Variants in RPA1 observed in about 807,000 individuals in gnomAD.
RPA1 encodes the protein replication protein A1, also known as replication protein A 70 kDa DNA-binding subunit.
A neutral mutation model predicts 83.0 loss-of-function variants in RPA1; 49 were observed. The ratio of observed to expected loss-of-function variants is 0.59; its 90% confidence interval spans 0.47 to 0.75. RPA1 has a LOEUF of 0.75. Ranked by LOEUF, RPA1 falls within the 30% of genes least tolerant of loss-of-function variation. The pLI, the probability that RPA1 is intolerant of heterozygous loss-of-function variation, is 0.00. For missense variants in RPA1, 693 were observed against 776.1 expected (o/e 0.89, Z 1.27); for synonymous variants, 279 against 281.8 (o/e 0.99, Z 0.10).
intron 15 of RPA1, 148 bp from the exon 16 acceptor site, chr17:1,894,861 C>T: frequency 1.7e-6 from 1 of 591,536 alleles, no homozygotes. Context: ...AAAACAGTTT[C>T]ATGTAATGTT....
intron 7 of RPA1, among the ~76,000 whole-genome samples, chr17:1,876,657 T>C (rs1281496207): frequency 2.6e-5 from 4 of 152,220 alleles, no homozygotes; most frequent in African/African-American, 9.6e-5. Context: ...CAATACTCTG[T>C]AACGTAGGAA....
chr17:1,861,699 A>ATGGGAGATT (rs1250196725), intron 5 of RPA1, among the ~76,000 whole-genome samples: 1 of 150,594 alleles, frequency 6.6e-6, no homozygotes, highest in Admixed American at 6.6e-5. Flanking sequence ...ACTTCACGCT[A>ATGGGAGATT]TGGGAGATTA....
At chr17:1,865,820 A>C (rs1401093446) in intron 5 of RPA1, among the ~76,000 whole-genome samples, 1 of 152,218 alleles carries the variant, frequency 6.6e-6, no homozygotes, top group Non-Finnish European at 1.5e-5. Context: ...ATTTTAATAG[A>C]GATGAGACCT....
At chr17:1,842,993 G>T in intron 2 of RPA1, 140 bp downstream of exon 2, 1 of 769,216 alleles carries the variant, frequency 1.3e-6, no homozygotes, top group Middle Eastern at 2.4e-4. Context: ...AGTCTACATT[G>T]TAACCCTGAG....
intron 16 of RPA1, among the ~76,000 whole-genome samples, chr17:1,896,198 C>T (rs928067439): frequency 6.6e-6 from 1 of 152,174 alleles, no homozygotes; most frequent in African/African-American, 2.4e-5. Context: ...GTCGAGCTAA[C>T]GTCCAACCCA....
intron 4 of RPA1, among the ~76,000 whole-genome samples, chr17:1,848,499 T>C (rs1912351290): frequency 6.6e-6 from 1 of 151,608 alleles, no homozygotes; most frequent in Admixed American, 6.6e-5. Flanking sequence ...TAATCCCAGC[T>C]ACTCGGGAGG....
chr17:1,856,769 T>C (rs541424591), intron 5 of RPA1, among the ~76,000 whole-genome samples: 4 of 151,818 alleles, frequency 2.6e-5, no homozygotes, highest in African/African-American at 9.6e-5. Context: ...TGCCCTCAAG[T>C]GATCTGCCTG....
At chr17:1,844,120 C>A in intron 3 of RPA1, 122 bp downstream of exon 3, 1 of 725,240 alleles carries the variant, frequency 1.4e-6, no homozygotes, top group Non-Finnish European at 2.3e-6. Flanking sequence ...CTACGTACTT[C>A]ATTCAGACAG....
intron 3 of RPA1, 45 bp from the exon 4 acceptor site, chr17:1,844,533 A>T: frequency 6.6e-7 from 1 of 1,517,220 alleles, no homozygotes. Flanking sequence ...CAGAGGCTTA[A>T]GACTGCAGGA....
rs754199112 is a variant in RPA1 at position 1,879,075 on chromosome 17, G to A, written c.759+14G>A. Reference sequence around the variant, plus strand: ...GAAGTGAACAAGGTATGGCCGTGCTGACTTTAGAACTGACACCGCCTGGGG... The same window carrying A: ...GAAGTGAACAAGGTATGGCCGTGCTAACTTTAGAACTGACACCGCCTGGGG... On this transcript the variant is annotated intron_variant, in intron 9 of 16. Coordinates refer to ENST00000254719, the MANE Select transcript of RPA1 (RefSeq NM_002945.5). 1 of 1,614,124 alleles carries A rather than the reference G, an allele frequency of 6.2e-7. No homozygotes were observed. Among genetic ancestry groups the A allele is most frequent in the East Asian group, 2.2e-5 (1 of 44,882 alleles).
In RPA1 at chr17:1,830,110, G is replaced by A; in HGVS notation, c.17G>A (p.Ser6Asn). MVGQL[S>N]EGAIAAIMQK... The stretch of plus-strand genomic sequence containing the variant: ...GGTGGAGCCATGGTCGGCCAACTGA[G>A]CGAGGGGGCCATTGCGGTGAGGAGG... Residue 6 changes from serine to asparagine, a missense_variant, in exon 1 of 17, where the codon AGC becomes AAC. By Grantham distance (46) the Ser-to-Asn change is conservative. Transcript: ENST00000254719. 1.6e-6 allele frequency: 2 copies of A among 1,249,242 alleles called. No individual in the cohort carries two copies. The highest frequency in any genetic ancestry group is 2.0e-6 in the Non-Finnish European group (2 of 988,554). The allele number at this position is 1,249,242 out of a possible 1,614,324, so 77.4% of individuals were successfully genotyped here. A position where few individuals can be genotyped will look rare whatever the true frequency, so the allele number is the denominator to read the frequency against.
intron 15 of RPA1, among the ~76,000 whole-genome samples, chr17:1,894,409 C>T (rs1340299556): frequency 2.0e-5 from 3 of 152,166 alleles, no homozygotes; most frequent in Non-Finnish European, 4.4e-5. Context: ...TCAAGTGATC[C>T]ACCCGCTTCC....
At chr17:1,867,225 G>A (rs1313365329) in intron 5 of RPA1, among the ~76,000 whole-genome samples, 1 of 152,128 alleles carries the variant, frequency 6.6e-6, no homozygotes, top group African/African-American at 2.4e-5. Context: ...TTTCAGGAAG[G>A]TGAGCTGAGA....
intron 4 of RPA1, among the ~76,000 whole-genome samples, chr17:1,849,746 G>A (rs1447032461): frequency 3.3e-5 from 5 of 151,186 alleles, no homozygotes; most frequent in South Asian, 2.1e-4. Context: ...AGTGTTGATC[G>A]TGGAAAAACG....
chr17:1,846,311 CTTTTTTTTTTTTT>C (rs71150823), intron 4 of RPA1, among the ~76,000 whole-genome samples: 2 of 75,786 alleles, frequency 2.6e-5, no homozygotes, highest in Non-Finnish European at 4.7e-5. Flanking sequence ...GGAAGCTTTG[CTTTTTTTTTTTTT>C]TTTTTTTTTT....
intron 4 of RPA1, 127 bp from the exon 5 acceptor site, chr17:1,852,974 T>C: frequency 1.4e-6 from 1 of 711,442 alleles, no homozygotes. Context: ...AAGAGAAATA[T>C]TTATGTAAAC....
chr17:1,852,453 C>A (rs558127456), intron 4 of RPA1, among the ~76,000 whole-genome samples: 1 of 152,258 alleles, frequency 6.6e-6, no homozygotes, highest in African/African-American at 2.4e-5. Context: ...CACAACACCG[C>A]AATCTCAGAG....
Position 1,888,617 on chromosome 17 carries a change from G to C in RPA1, c.1375-58G>C. The C allele has an allele frequency of 1.9e-6, 3 of 1,541,778 alleles. No individual in the cohort carries two copies. The South Asian group carries it at 3.7e-5, about 19-fold the overall frequency. On this transcript the variant is annotated intron_variant, in intron 13 of 16. Coordinates refer to ENST00000254719, the MANE Select transcript of RPA1 (RefSeq NM_002945.5). ...AAGGGCAGGCTTTGAGCTGCCTCTC[G>C]GTCCGATCCTGGGCGGGCTCGCGAC...
chr17:1,887,034 T>C (rs1914019129), intron 13 of RPA1, among the ~76,000 whole-genome samples: 1 of 152,120 alleles, frequency 6.6e-6, no homozygotes, highest in South Asian at 2.1e-4. Flanking sequence ...GGGTTAGGCT[T>C]TGGCTTAAGA....
Sources: gnomAD v4.1 joint callset for allele counts (sites outside exome capture counted in the v4.1 genomes callset) on GRCh38, gnomAD v4.1.1 for gene constraint, MANE v1.5 for transcripts, NCBI Gene and HGNC (gene_info 2026-07-23, HGNC 2026-07-21) for gene names.